The following AMMECR1 variants were observed in gnomAD, a reference collection of about 807,000 sequenced individuals.
AMMECR1 encodes nuclear protein AMMECR1.
Under a neutral mutation model 22.5 loss-of-function variants are expected in AMMECR1, and 3 were observed. That is an observed-to-expected ratio of 0.13 (90% CI 0.06 to 0.35). The LOEUF is 0.35. Among genes scored for constraint, AMMECR1 ranks in the 10% least tolerant of loss-of-function variants. The probability of loss-of-function intolerance (pLI) is 1.00; values close to 1 mark genes in which losing one functional copy is unlikely to be tolerated. For synonymous variants in AMMECR1, 130 were observed against 116.7 expected, an observed-to-expected ratio of 1.11 and a Z score of -0.74; for missense variants, 235 against 278.7, an observed-to-expected ratio of 0.84 and a Z score of 1.12.
rs755136749 is a variant in AMMECR1 at position 110,354,766 on chromosome X, A to G, written c.-147-36917T>C. Among the ~76,000 whole-genome samples, 3 of 112,380 alleles carry G rather than the reference A, an allele frequency of 2.7e-5. No individual in the cohort carries two copies. In the South Asian group the frequency reaches 1.1e-3, roughly 41 times the overall value. ...CAATAGGGAAAGGACAGTCTTTTCAATAAATGGTGTTGGGAAAACTGGATA... is the reference window on the plus strand; with the variant it reads ...CAATAGGGAAAGGACAGTCTTTTCAGTAAATGGTGTTGGGAAAACTGGATA... On this transcript the variant is annotated intron_variant, in intron 2 of 7. Coordinates refer to the AMMECR1 transcript ENST00000372057.
chrX:110,403,455 G>GAC (rs919662922), intron 2 of AMMECR1, among the ~76,000 whole-genome samples: 1 of 111,507 alleles, frequency 9.0e-6, no homozygotes. Context: ...CAGACAGACA[G>GAC]ACACACACAC....
At chrX:110,256,272 A>C (rs2067710603) in intron 2 of AMMECR1, among the ~76,000 whole-genome samples, 1 of 111,942 alleles carries the variant, frequency 8.9e-6, no homozygotes, top group African/African-American at 3.2e-5. Context: ...GATAGAGTAA[A>C]ATTAAAGTAT....
intron 2 of AMMECR1, among the ~76,000 whole-genome samples, chrX:110,222,178 A>G (rs1446585481): frequency 2.3e-5 from 2 of 86,514 alleles, no homozygotes. Flanking sequence ...TCACAATAGC[A>G]AAGACTTGGA....
chrX:110,246,413 G>A (rs1438252274), intron 2 of AMMECR1, among the ~76,000 whole-genome samples: 4 of 112,232 alleles, frequency 3.6e-5, no homozygotes, highest in Non-Finnish European at 7.5e-5. Flanking sequence ...TACTTTCAGA[G>A]ATGCTTTAAT....
At chrX:110,221,017 T>C (rs1439928092) in intron 2 of AMMECR1, among the ~76,000 whole-genome samples, 1 of 112,647 alleles carries the variant, frequency 8.9e-6, no homozygotes, top group Non-Finnish European at 1.9e-5. Context: ...TGCTCACTTG[T>C]TCATTCACTT....
chrX:110,389,777 G>A (rs2068482364), intron 2 of AMMECR1, among the ~76,000 whole-genome samples: 1 of 110,218 alleles, frequency 9.1e-6, no homozygotes. Flanking sequence ...AGGAAAGGCG[G>A]GGCAGGGAGG....
At chrX:110,235,962 A>T (rs1477771442) in intron 2 of AMMECR1, among the ~76,000 whole-genome samples, 1 of 108,392 alleles carries the variant, frequency 9.2e-6, no homozygotes. Context: ...AAAGTATAAT[A>T]AAAAAAAAAG....
At chrX:110,301,008 G>T (rs960556908) in intron 1 of AMMECR1, among the ~76,000 whole-genome samples, 1 of 111,390 alleles carries the variant, frequency 9.0e-6, no homozygotes, top group Admixed American at 9.6e-5. Flanking sequence ...GATTGCTTAC[G>T]TCCCTGAATT....
At chrX:110,414,178 A>G (rs1233935560) in intron 2 of AMMECR1, among the ~76,000 whole-genome samples, 1 of 112,684 alleles carries the variant, frequency 8.9e-6, no homozygotes, top group African/African-American at 3.2e-5. Context: ...ATGGAGGAAC[A>G]TTGCTGGAGA....
chrX:110,386,968 T>C (rs1325248328), intron 2 of AMMECR1, among the ~76,000 whole-genome samples: 1 of 112,395 alleles, frequency 8.9e-6, no homozygotes, highest in Non-Finnish European at 1.9e-5. Context: ...GAGCACTATA[T>C]GATTAATTTC....
At chrX:110,253,642 A>C (rs2067696721) in intron 2 of AMMECR1, among the ~76,000 whole-genome samples, 1 of 112,521 alleles carries the variant, frequency 8.9e-6, no homozygotes, top group Admixed American at 9.4e-5. Flanking sequence ...GAAATATTTA[A>C]GAGTTGCTTC....
At chrX:110,370,815 C>T (rs1243998594) in intron 2 of AMMECR1, among the ~76,000 whole-genome samples, 2 of 111,968 alleles carry the variant, frequency 1.8e-5, no homozygotes, top group Non-Finnish European at 3.8e-5. Flanking sequence ...CATAACCAAA[C>T]AAAAAATATT....
intron 1 of AMMECR1, among the ~76,000 whole-genome samples, chrX:110,311,325 G>A (rs190800259): frequency 4.7e-4 from 52 of 111,710 alleles, no homozygotes; most frequent in African/African-American, 1.6e-3. Context: ...CCATGTGTAT[G>A]CATTTTATGT....
chrX:110,296,861 G>C (rs2067938864), intron 1 of AMMECR1, among the ~76,000 whole-genome samples: 1 of 110,161 alleles, frequency 9.1e-6, no homozygotes, highest in Non-Finnish European at 1.9e-5. Flanking sequence ...AGCACATCTA[G>C]GCTTCCTCAG....
At chrX:110,212,863 A>C (rs1261474229) in intron 3 of AMMECR1, among the ~76,000 whole-genome samples, 4 of 111,993 alleles carry the variant, frequency 3.6e-5, no homozygotes, top group Non-Finnish European at 7.5e-5. Context: ...AGATTTATTG[A>C]TACAAAGACA....
chrX:110,218,077 T>C (rs1348426822), intron 2 of AMMECR1, among the ~76,000 whole-genome samples: 1 of 111,454 alleles, frequency 9.0e-6, no homozygotes. Context: ...ATTACGTAAA[T>C]TTCCTATGGT....
chrX:110,287,201 A>G (rs1186305619), intron 1 of AMMECR1, among the ~76,000 whole-genome samples: 9 of 112,343 alleles, frequency 8.0e-5, no homozygotes, highest in Admixed American at 1.9e-4. Flanking sequence ...TTACCTTTCC[A>G]TACAGAAACA....
chrX:110,265,810 C>G (rs1051485097), intron 1 of AMMECR1, among the ~76,000 whole-genome samples: 1 of 111,840 alleles, frequency 8.9e-6, no homozygotes, highest in African/African-American at 3.2e-5. Flanking sequence ...TCAAAATACT[C>G]TTTAGTGAGT....
chrX:110,225,154 C>A, intron 2 of AMMECR1: 2 of 272,529 alleles, frequency 7.3e-6, no homozygotes, highest in Admixed American at 7.1e-5. Flanking sequence ...ACTTGTACTA[C>A]TATGACAGGC....
Sources: gnomAD v4.1 joint callset for allele counts (sites outside exome capture counted in the v4.1 genomes callset) on GRCh38, gnomAD v4.1.1 for gene constraint, MANE v1.5 for transcripts, NCBI Gene and HGNC (gene_info 2026-07-23, HGNC 2026-07-21) for gene names.